The following FGF13 variants were observed in gnomAD, a reference collection of about 807,000 sequenced individuals.
FGF13 encodes the protein fibroblast growth factor 13.
FGF13 carries 2 observed loss-of-function variants against 19.5 expected under a neutral mutation model. That is an observed-to-expected ratio of 0.10 (90% CI 0.04 to 0.32). The LOEUF is 0.32. FGF13 is among the 10% of genes least tolerant of loss of function. FGF13 has a pLI of 1.00. For synonymous variants in FGF13, 72 were observed against 76.9 expected, an observed-to-expected ratio of 0.94 and a Z score of 0.33; for missense variants, 113 against 192.7, an observed-to-expected ratio of 0.59 and a Z score of 2.45.
chrX:138,913,118 T>G (rs1365832286), intron 1 of FGF13, among the ~76,000 whole-genome samples: 1 of 110,123 alleles, frequency 9.1e-6, no homozygotes, highest in Non-Finnish European at 1.9e-5. Flanking sequence ...AGCATCATTT[T>G]ACTTTTAAGG....
intron 3 of FGF13, among the ~76,000 whole-genome samples, chrX:138,809,654 T>C (rs749446507): frequency 9.0e-6 from 1 of 111,500 alleles, no homozygotes; most frequent in Non-Finnish European, 1.9e-5. Context: ...GGAAGTCAAA[T>C]TGTCCCCGTT....
chrX:138,985,116 C>T (rs770543172), intron 1 of FGF13: 86 of 353,218 alleles, frequency 2.4e-4, no homozygotes, highest in African/African-American at 1.9e-3. Context: ...AACAAAACAT[C>T]AACATCCTCC....
rs2089117897 is a variant in FGF13, at chrX:138,631,686, C to A, written c.*1164G>T. On this transcript the variant is annotated 3_prime_UTR_variant, in exon 5 of 5. Transcript: ENST00000315930. The stretch of plus-strand genomic sequence containing the variant: ...CAGGACAGAAAACTGCCTGTACATG[C>A]TATGTCCACTTTTGGAACACAGATT... 1 of 112,499 alleles carries A rather than the reference C, an allele frequency of 8.9e-6. No homozygotes were observed. Among genetic ancestry groups the A allele is most frequent in the Non-Finnish European group, 1.9e-5 (1 of 53,257 alleles). 9.3% of individuals were successfully genotyped at this position (112,499 alleles called of 1,213,427 possible).
intron 1 of FGF13, among the ~76,000 whole-genome samples, chrX:139,066,552 T>A (rs1272770296): frequency 9.0e-6 from 1 of 111,102 alleles, no homozygotes; most frequent in African/African-American, 3.3e-5. Flanking sequence ...AACTAGAAAA[T>A]CTAGAAGAAA....
At chrX:139,087,030 C>T (rs745786057) in intron 1 of FGF13, among the ~76,000 whole-genome samples, 4 of 112,961 alleles carry the variant, frequency 3.5e-5, no homozygotes, top group Non-Finnish European at 7.5e-5. Flanking sequence ...GGCGCAGTGG[C>T]TCACGCCTGT....
chrX:138,857,363 C>T, downstream of FGF13: 1 of 479,609 alleles, frequency 2.1e-6, no homozygotes, highest in Non-Finnish European at 3.4e-6. Context: ...GACTGTATAA[C>T]ACTTTCACCA....
chrX:138,970,677 T>G (rs1289574107), intron 1 of FGF13, among the ~76,000 whole-genome samples: 6 of 111,406 alleles, frequency 5.4e-5, no homozygotes, highest in Admixed American at 2.9e-4. Context: ...TAACAAAAAA[T>G]GCATTTAGGA....
intron 1 of FGF13, among the ~76,000 whole-genome samples, chrX:138,943,693 C>A (rs1183405003): frequency 9.0e-6 from 1 of 111,538 alleles, no homozygotes. Flanking sequence ...TAGAGGTATT[C>A]AAATTCTCAT....
intron 3 of FGF13, among the ~76,000 whole-genome samples, chrX:138,802,061 GC>G (rs769978004): frequency 8.9e-6 from 1 of 112,276 alleles, no homozygotes; most frequent in African/African-American, 3.2e-5. Flanking sequence ...TGGCTCTCTG[GC>G]TTCAGCCCCC....
intron 1 of FGF13, among the ~76,000 whole-genome samples, chrX:138,891,979 T>C (rs2124196086): frequency 1.1e-5 from 1 of 88,599 alleles, no homozygotes; most frequent in African/African-American, 4.1e-5. Context: ...CTCCAATCTC[T>C]GTCTCTCTCT....
chrX:138,968,340 T>C (rs1314215614), intron 1 of FGF13, among the ~76,000 whole-genome samples: 2 of 112,320 alleles, frequency 1.8e-5, no homozygotes, highest in Non-Finnish European at 3.8e-5. Context: ...GACTATGCAA[T>C]CCTACTGGGT....
chrX:138,987,426 C>A (rs1248986329), intron 1 of FGF13, among the ~76,000 whole-genome samples: 1 of 111,804 alleles, frequency 8.9e-6, no homozygotes, highest in Non-Finnish European at 1.9e-5. Flanking sequence ...GGTGCAAATC[C>A]TGCAAGTAGC....
chrX:138,648,468 T>C (rs1319534348), intron 3 of FGF13, among the ~76,000 whole-genome samples: 1 of 111,088 alleles, frequency 9.0e-6, no homozygotes, highest in Non-Finnish European at 1.9e-5. Context: ...GGATGAAAAG[T>C]AGGAGATATT....
chrX:138,838,097 C>T (rs760863643), intron 3 of FGF13, among the ~76,000 whole-genome samples: 5 of 111,900 alleles, frequency 4.5e-5, no homozygotes, highest in African/African-American at 9.7e-5. Flanking sequence ...GCAAACATGG[C>T]GCCCCACCCT....
intron 1 of FGF13, among the ~76,000 whole-genome samples, chrX:138,950,759 A>G (rs773066617): frequency 9.0e-6 from 1 of 111,706 alleles, no homozygotes; most frequent in Non-Finnish European, 1.9e-5. Context: ...GTATTACTCA[A>G]AATAATAAAG....
At chrX:138,759,933 C>T (rs146803637) in intron 3 of FGF13, among the ~76,000 whole-genome samples, 1,655 of 111,337 alleles carry the variant, frequency 0.015, 20 homozygotes, top group African/African-American at 0.051. Flanking sequence ...ACGATTAGCA[C>T]CAGTGATTTT....
At chrX:138,976,339 T>C (rs1056246224) in intron 1 of FGF13, among the ~76,000 whole-genome samples, 9 of 111,901 alleles carry the variant, frequency 8.0e-5, no homozygotes, top group African/African-American at 2.6e-4. Context: ...ATGTAGTATA[T>C]ATACACCATG....
intron 1 of FGF13, among the ~76,000 whole-genome samples, chrX:139,163,136 C>T (rs774512927): frequency 8.9e-6 from 1 of 112,068 alleles, no homozygotes; most frequent in South Asian, 3.8e-4. Flanking sequence ...AGTCTTGGAA[C>T]CAACCCAAAT....
chrX:139,200,479 T>C (rs1254346999), intron 1 of FGF13, among the ~76,000 whole-genome samples: 1 of 111,894 alleles, frequency 8.9e-6, no homozygotes, highest in African/African-American at 3.3e-5. Context: ...CTACTACCCA[T>C]TACAACAGCA....
Sources: allele counts gnomAD v4.1 joint callset (sites outside exome capture counted in the v4.1 genomes callset), GRCh38; gene constraint gnomAD v4.1.1; transcripts MANE v1.5; gene names NCBI Gene and HGNC (gene_info 2026-07-23, HGNC 2026-07-21).